AFG2A: variants seen among roughly 807,000 people sequenced by gnomAD.
AFG2A encodes the protein AAA ATPase AFG2A.
the AFG2A span, among the ~76,000 whole-genome samples, chr4:123,104,355 A>G: frequency 6.6e-6 from 1 of 152,168 alleles, no homozygotes; most frequent in Admixed American, 6.5e-5. Flanking sequence ...GGTTGCTCCA[A>G]CAGCCAGCCA....
the AFG2A span, among the ~76,000 whole-genome samples, chr4:123,071,687 C>T: frequency 6.6e-6 from 1 of 152,114 alleles, no homozygotes; most frequent in Non-Finnish European, 1.5e-5. Context: ...GCAGCTTATA[C>T]ATCTGTATAA....
At chr4:123,210,593 C>T in the AFG2A span, among the ~76,000 whole-genome samples, 17,898 of 152,106 alleles carry the variant, frequency 0.12, 1,453 homozygotes, top group East Asian at 0.43. Flanking sequence ...TGTTGATGGA[C>T]GCTTAGGTTG....
the AFG2A span, among the ~76,000 whole-genome samples, chr4:123,163,095 A>G: frequency 5.6e-4 from 85 of 152,320 alleles, no homozygotes; most frequent in Non-Finnish European, 9.3e-4. Flanking sequence ...CTGTACATCC[A>G]TAGTAACGTG....
At chr4:123,133,363 G>A in the AFG2A span, among the ~76,000 whole-genome samples, 1 of 152,160 alleles carries the variant, frequency 6.6e-6, no homozygotes, top group Non-Finnish European at 1.5e-5. Context: ...AAGTGTTCTT[G>A]TGCATCTGGC....
the AFG2A span, among the ~76,000 whole-genome samples, chr4:123,032,857 C>T: frequency 6.6e-6 from 1 of 152,170 alleles, no homozygotes; most frequent in Non-Finnish European, 1.5e-5. Context: ...ACTGTGTTGC[C>T]ACGTCACTTT....
chr4:123,210,739 A>AT, the AFG2A span, among the ~76,000 whole-genome samples: 58 of 152,112 alleles, frequency 3.8e-4, no homozygotes, highest in African/African-American at 1.3e-3. Context: ...TAATAGTTAT[A>AT]TTTTTTATTT....
chr4:123,006,815 T>C, the AFG2A span, among the ~76,000 whole-genome samples: 1 of 152,272 alleles, frequency 6.6e-6, no homozygotes, highest in Admixed American at 6.5e-5. Flanking sequence ...CTATCATCTG[T>C]GTACTTTTTG....
At chr4:123,253,302 G>A in the AFG2A span, among the ~76,000 whole-genome samples, 2 of 152,134 alleles carry the variant, frequency 1.3e-5, no homozygotes, top group African/African-American at 4.8e-5. Context: ...GGCCAGTATG[G>A]CAAAACCCCA....
At chr4:122,957,308 T>C in the AFG2A span, among the ~76,000 whole-genome samples, 1 of 152,228 alleles carries the variant, frequency 6.6e-6, no homozygotes, top group African/African-American at 2.4e-5. Flanking sequence ...TAAAGCAGAC[T>C]AATGTTGGTT....
At chr4:122,935,787 T>G in the AFG2A span, 8 of 1,613,364 alleles carry the variant, frequency 5.0e-6, no homozygotes, top group Non-Finnish European at 5.9e-6. Context: ...CCAGGGCTGT[T>G]GCTAATGAAG....
chr4:122,974,499 A>C, the AFG2A span, among the ~76,000 whole-genome samples: 1 of 152,188 alleles, frequency 6.6e-6, no homozygotes, highest in African/African-American at 2.4e-5. Context: ...GATACTCCTC[A>C]ACTTATGATG....
the AFG2A span, among the ~76,000 whole-genome samples, chr4:123,103,734 C>G: frequency 1.3e-5 from 2 of 151,968 alleles, no homozygotes; most frequent in Non-Finnish European, 2.9e-5. Context: ...TTTATAACAC[C>G]TAAACAACCC....
the AFG2A span, among the ~76,000 whole-genome samples, chr4:123,162,709 T>C: frequency 6.6e-6 from 1 of 152,174 alleles, no homozygotes; most frequent in Non-Finnish European, 1.5e-5. Context: ...TTTTATTTTA[T>C]AAGGAGTCAT....
chr4:123,099,314 A>G, the AFG2A span, among the ~76,000 whole-genome samples: 1 of 151,782 alleles, frequency 6.6e-6, no homozygotes. Context: ...TCTCTTCACT[A>G]TGTTGAATGT....
chr4:123,037,396 G>C, the AFG2A span, among the ~76,000 whole-genome samples: 1 of 151,940 alleles, frequency 6.6e-6, no homozygotes, highest in Admixed American at 6.6e-5. Context: ...AATGTTAAAA[G>C]TAATGCTATT....
At chr4:123,099,932 T>G in the AFG2A span, among the ~76,000 whole-genome samples, 6 of 151,904 alleles carry the variant, frequency 3.9e-5, no homozygotes, top group Non-Finnish European at 7.4e-5. Flanking sequence ...TTTGAAAGAT[T>G]CTGTGTTTAG....
At chr4:123,227,541 T>C in the AFG2A span, among the ~76,000 whole-genome samples, 13 of 152,362 alleles carry the variant, frequency 8.5e-5, no homozygotes. Flanking sequence ...TTCTTAATCC[T>C]GAGTTCTAGT....
chr4:123,096,122 AGC>A, the AFG2A span, among the ~76,000 whole-genome samples: 1 of 152,128 alleles, frequency 6.6e-6, no homozygotes, highest in African/African-American at 2.4e-5. Context: ...GCTGTGATGT[AGC>A]ACACTAGGCT....
At chr4:123,004,379 A>G in the AFG2A span, among the ~76,000 whole-genome samples, 2 of 152,368 alleles carry the variant, frequency 1.3e-5, no homozygotes, top group African/African-American at 4.8e-5. Flanking sequence ...ATGTAAATGC[A>G]GAAATCCCTC....
Sources: gnomAD v4.1 joint callset for allele counts (sites outside exome capture counted in the v4.1 genomes callset) on GRCh38, gnomAD v4.1.1 for gene constraint, MANE v1.5 for transcripts, NCBI Gene and HGNC (gene_info 2026-07-23, HGNC 2026-07-21) for gene names.